Variants in FOXO3 observed in about 807,000 individuals in gnomAD.
The protein encoded by FOXO3 is forkhead box protein O3.
In FOXO3, 4 loss-of-function variants were observed where a neutral mutation model predicts 41.9. The ratio of observed to expected loss-of-function variants is 0.10; its 90% CI spans 0.05 to 0.22. FOXO3 has a LOEUF of 0.22. Ranked by LOEUF, FOXO3 falls within the 10% of genes least tolerant of loss-of-function variation. The probability of loss-of-function intolerance (pLI) is 1.00; values close to 1 mark genes in which losing one functional copy is unlikely to be tolerated. For synonymous variants in FOXO3, 318 were observed against 389.3 expected, an observed-to-expected ratio of 0.82 and a Z score of 2.16; for missense variants, 534 against 906.8, an observed-to-expected ratio of 0.59 and a Z score of 5.28.
chr6:108,617,951 T>TC, intron 1 of FOXO3: 1 of 489,380 alleles, frequency 2.0e-6, no homozygotes, highest in South Asian at 1.9e-5. Context: ...GAGAAGGTAA[T>TC]CGTGGTCTGC....
chr6:108,592,343 A>T (rs1776752580), intron 1 of FOXO3, among the ~76,000 whole-genome samples: 1 of 152,156 alleles, frequency 6.6e-6, no homozygotes, highest in African/African-American at 2.4e-5. Context: ...TGTGGTTGGA[A>T]TTTTTTGTGT....
intron 1 of FOXO3, among the ~76,000 whole-genome samples, chr6:108,661,046 C>T (rs1047335365): frequency 5.9e-5 from 9 of 151,812 alleles, no homozygotes; most frequent in Middle Eastern, 3.4e-3. Context: ...GGCAACAGAG[C>T]GAGACTCTAT....
At chr6:108,649,612 C>T (rs1452503303) in intron 1 of FOXO3, among the ~76,000 whole-genome samples, 1 of 148,504 alleles carries the variant, frequency 6.7e-6, no homozygotes, top group African/African-American at 2.5e-5. Context: ...GCAACCTCCA[C>T]TTCCCAGGCT....
intron 1 of FOXO3, among the ~76,000 whole-genome samples, chr6:108,616,750 G>A (rs925315224): frequency 5.3e-5 from 8 of 151,990 alleles, no homozygotes; most frequent in African/African-American, 1.2e-4. Flanking sequence ...GAATACTTTC[G>A]TCACCCCACA....
chr6:108,606,680 G>A (rs1777211650), intron 1 of FOXO3, among the ~76,000 whole-genome samples: 1 of 152,218 alleles, frequency 6.6e-6, no homozygotes, highest in African/African-American at 2.4e-5. Context: ...CCTTTTGCCA[G>A]CCTGTTCTGC....
At chr6:108,598,075 G>A (rs763160672) in intron 1 of FOXO3, among the ~76,000 whole-genome samples, 1 of 152,124 alleles carries the variant, frequency 6.6e-6, no homozygotes, top group African/African-American at 2.4e-5. Context: ...TTCCTCTCAC[G>A]GAGTTTGAGG....
intron 1 of FOXO3, among the ~76,000 whole-genome samples, chr6:108,662,928 C>G (rs1009470934): frequency 1.3e-5 from 2 of 152,206 alleles, no homozygotes; most frequent in Non-Finnish European, 2.9e-5. Flanking sequence ...CTATTCCCAG[C>G]ATCTCTTGGA....
chr6:108,572,668 T>C (rs1776136037), intron 1 of FOXO3, among the ~76,000 whole-genome samples: 1 of 152,308 alleles, frequency 6.6e-6, no homozygotes, highest in South Asian at 2.1e-4. Flanking sequence ...ATTAGAGATA[T>C]GTGTAGTTTT....
chr6:108,562,203 T>C (rs1187823709), intron 1 of FOXO3, among the ~76,000 whole-genome samples: 1 of 151,728 alleles, frequency 6.6e-6, no homozygotes, highest in African/African-American at 2.4e-5. Flanking sequence ...GTGCGGGCGC[T>C]GTGGCTGGAG....
At chr6:108,601,256 C>T (rs1777046192) in intron 1 of FOXO3, among the ~76,000 whole-genome samples, 1 of 151,760 alleles carries the variant, frequency 6.6e-6, no homozygotes, top group Non-Finnish European at 1.5e-5. Context: ...TTGTGATCCA[C>T]CCACCTCGGC....
intron 1 of FOXO3, among the ~76,000 whole-genome samples, chr6:108,654,936 A>G (rs532411475): frequency 6.6e-6 from 1 of 152,326 alleles, no homozygotes; most frequent in Non-Finnish European, 1.5e-5. Flanking sequence ...GATCTCAGAT[A>G]CATTTTTATG....
At chr6:108,630,776 T>G (rs1011877277) in intron 1 of FOXO3, among the ~76,000 whole-genome samples, 5 of 152,144 alleles carry the variant, frequency 3.3e-5, no homozygotes, top group African/African-American at 1.2e-4. Flanking sequence ...AAAAAAAAGC[T>G]TTTTAAGGGA....
intron 1 of FOXO3, among the ~76,000 whole-genome samples, chr6:108,631,046 T>C (rs1777959938): frequency 1.3e-5 from 2 of 152,224 alleles, no homozygotes; most frequent in African/African-American, 4.8e-5. Context: ...GTAGTTTTTC[T>C]AAAATGTATT....
At chr6:108,650,675 G>A (rs955276098) in intron 1 of FOXO3, among the ~76,000 whole-genome samples, 5 of 152,170 alleles carry the variant, frequency 3.3e-5, no homozygotes, top group African/African-American at 1.2e-4. Context: ...CATAGTTTAG[G>A]GGTAGTGCTA....
chr6:108,579,764 A>C, intron 1 of FOXO3, among the ~76,000 whole-genome samples: 1 of 150,994 alleles, frequency 6.6e-6, no homozygotes, highest in Non-Finnish European at 1.5e-5. Flanking sequence ...CCAGGAATAA[A>C]GCCTGCCCAG....
chr6:108,629,164 A>G (rs1777891921), intron 1 of FOXO3, among the ~76,000 whole-genome samples: 2 of 152,136 alleles, frequency 1.3e-5, no homozygotes, highest in South Asian at 4.1e-4. Context: ...TGTTACTATT[A>G]GTGGTGGTGG....
chr6:108,564,566 T>C (rs1775903909), intron 1 of FOXO3, among the ~76,000 whole-genome samples: 2 of 152,218 alleles, frequency 1.3e-5, no homozygotes, highest in Admixed American at 1.3e-4. Context: ...CTTTTCAGGC[T>C]ATTTGGGCCA....
rs75377678 is a variant in FOXO3, at chr6:108,574,667, G to A, written c.621+12838G>A. 6.6e-3 allele frequency among the ~76,000 whole-genome samples: 1,012 copies of A among 152,266 alleles called. 15 individuals carry two copies. Among genetic ancestry groups the A allele is most frequent in the African/African-American group, 0.023 (974 of 41,538 alleles). On this transcript the variant is annotated intron_variant, in intron 1 of 2. Coordinates refer to ENST00000406360, the MANE Select transcript of FOXO3 (RefSeq NM_001455.4). ...TTGCATAATGCAAGTTGCTGGCCAG[G>A]TTAGTGTTTATCTCTACTGAAGAGC...
intron 1 of FOXO3, among the ~76,000 whole-genome samples, chr6:108,625,916 G>T (rs1343231468): frequency 6.6e-6 from 1 of 152,160 alleles, no homozygotes. Context: ...CTGCCTCCTT[G>T]CAAGGAAAGC....
Sources: gnomAD v4.1 joint callset for allele counts (sites outside exome capture counted in the v4.1 genomes callset) on GRCh38, gnomAD v4.1.1 for gene constraint, MANE v1.5 for transcripts, NCBI Gene and HGNC (gene_info 2026-07-23, HGNC 2026-07-21) for gene names.